SUGCT: variants seen among roughly 807,000 people sequenced by gnomAD.
SUGCT encodes the protein succinyl-CoA:glutarate-CoA transferase.
SUGCT carries 41 observed loss-of-function variants against 55.0 expected under a neutral mutation model. The ratio of observed to expected loss-of-function variants is 0.74; its 90% CI spans 0.58 to 0.97. The LOEUF (loss-of-function observed/expected upper bound fraction) is 0.97, where lower values mean the gene tolerates loss of function less well. Ranked by LOEUF, SUGCT falls within the 50% of genes least tolerant of loss-of-function variation. The pLI is 0.00. For synonymous variants in SUGCT, 187 were observed against 200.4 expected, an observed-to-expected ratio of 0.93 and a Z score of 0.56; for missense variants, 568 against 547.8, an observed-to-expected ratio of 1.04 and a Z score of -0.37.
At chr7:40,938,355 T>A in the SUGCT span, among the ~76,000 whole-genome samples, 1 of 152,148 alleles carries the variant, frequency 6.6e-6, no homozygotes, top group African/African-American at 2.4e-5. Context: ...TTCTAGTATA[T>A]CATTTTAATT....
chr7:40,925,194 A>T, the SUGCT span, among the ~76,000 whole-genome samples: 1 of 152,150 alleles, frequency 6.6e-6, no homozygotes, highest in African/African-American at 2.4e-5. Context: ...GCAAATCCTG[A>T]CTTTCTATTT....
intron 1 of SUGCT, among the ~76,000 whole-genome samples, chr7:40,161,590 T>C (rs1784149470): frequency 6.6e-6 from 1 of 152,254 alleles, no homozygotes; most frequent in African/African-American, 2.4e-5. Context: ...GTCTTCCTTT[T>C]GGTCAGTCTT....
the SUGCT span, among the ~76,000 whole-genome samples, chr7:40,919,969 T>G: frequency 6.6e-6 from 1 of 152,282 alleles, no homozygotes; most frequent in East Asian, 1.9e-4. Context: ...ATCCAGTGTG[T>G]GGCTCATGCT....
At chr7:40,792,736 T>A (rs537689649) in intron 13 of SUGCT, among the ~76,000 whole-genome samples, 4 of 152,272 alleles carry the variant, frequency 2.6e-5, no homozygotes, top group Admixed American at 2.6e-4. Context: ...TTGGTACCCA[T>A]ATTAGTTTTA....
In SUGCT at chr7:40,404,283, C is replaced by A. The variant is rs143464945; in HGVS notation, c.817-45004C>A. On this transcript the variant is annotated intron_variant, in intron 9 of 13. Transcript: ENST00000335693. ...GAAGTTTCTTACAGTTGCTATTGCA[C>A]AATTCTAAGCAAAAGATGGAAGATG... is the stretch of plus-strand genomic sequence containing the variant. Among the ~76,000 whole-genome samples the A allele has an allele frequency of 6.8e-4, 104 of 152,270 alleles. 2 individuals are homozygous for A. Among genetic ancestry groups the A allele is most frequent in the African/African-American group, 2.4e-3 (99 of 41,552 alleles).
intron 9 of SUGCT, among the ~76,000 whole-genome samples, chr7:40,384,175 G>A (rs529903926): frequency 6.6e-6 from 1 of 152,244 alleles, no homozygotes; most frequent in Non-Finnish European, 1.5e-5. Flanking sequence ...TTATAAAAAG[G>A]AGAACAAACT....
rs554922519 is a variant in SUGCT, at chr7:40,831,032, A to G, written c.1154-29284A>G. Among the ~76,000 whole-genome samples the G allele has an allele frequency of 2.0e-5, 3 of 152,322 alleles. No homozygotes were observed. The East Asian group carries it at 5.8e-4, about 29-fold the overall frequency. On this transcript the variant is annotated intron_variant, in intron 13 of 13. Coordinates refer to ENST00000335693, the MANE Select transcript of SUGCT (RefSeq NM_001193313.2). The stretch of plus-strand genomic sequence containing the variant: ...AGAAGTAATGTCGTCTCAATTTTGG[A>G]GATGAGAAAGCTGAACCTTCTAAGA...
chr7:40,159,669 G>A (rs1012175259), intron 1 of SUGCT, among the ~76,000 whole-genome samples: 5 of 151,856 alleles, frequency 3.3e-5, no homozygotes, highest in South Asian at 2.1e-4. Flanking sequence ...GTGCCTGGCC[G>A]GATTCTAGTT....
chr7:40,383,230 C>T (rs187754173), intron 9 of SUGCT, among the ~76,000 whole-genome samples: 1 of 152,294 alleles, frequency 6.6e-6, no homozygotes, highest in Admixed American at 6.5e-5. Flanking sequence ...TTATGCTACA[C>T]ACTACATCTA....
At chr7:41,025,856 T>C in the SUGCT span, among the ~76,000 whole-genome samples, 1 of 152,178 alleles carries the variant, frequency 6.6e-6, no homozygotes, top group Non-Finnish European at 1.5e-5. Context: ...TATGCACCCA[T>C]AGCTTTCTGG....
chr7:40,677,653 T>C (rs1241986704), intron 12 of SUGCT, among the ~76,000 whole-genome samples: 1 of 152,196 alleles, frequency 6.6e-6, no homozygotes, highest in African/African-American at 2.4e-5. Flanking sequence ...CCATGCCCAC[T>C]TCTGGCTACA....
chr7:40,654,970 G>A (rs1418634048), intron 12 of SUGCT, among the ~76,000 whole-genome samples: 1 of 152,086 alleles, frequency 6.6e-6, no homozygotes, highest in Non-Finnish European at 1.5e-5. Context: ...TTAGGCGAAA[G>A]GCAATTAAAA....
At chr7:40,919,995 A>G in the SUGCT span, among the ~76,000 whole-genome samples, 1 of 151,196 alleles carries the variant, frequency 6.6e-6, no homozygotes, top group Non-Finnish European at 1.5e-5. Context: ...CTTCCTCCAT[A>G]GTTTTTATCA....
intron 11 of SUGCT, among the ~76,000 whole-genome samples, chr7:40,489,830 G>T (rs552754292): frequency 1.3e-5 from 2 of 152,148 alleles, no homozygotes; most frequent in Non-Finnish European, 2.9e-5. Flanking sequence ...TATTTTGTCC[G>T]TTTGGTGATG....
intron 9 of SUGCT, among the ~76,000 whole-genome samples, chr7:40,321,854 C>T (rs1227704627): frequency 6.6e-6 from 1 of 152,126 alleles, no homozygotes; most frequent in African/African-American, 2.4e-5. Context: ...TAGGTTTATT[C>T]CATGATTTTG....
chr7:40,287,156 A>C (rs927884746), intron 8 of SUGCT, among the ~76,000 whole-genome samples: 3 of 152,136 alleles, frequency 2.0e-5, no homozygotes, highest in Admixed American at 6.6e-5. Flanking sequence ...TATTGTGATC[A>C]GCATTGAGCG....
intron 9 of SUGCT, among the ~76,000 whole-genome samples, chr7:40,439,513 A>T (rs1451528883): frequency 6.6e-6 from 1 of 152,116 alleles, no homozygotes; most frequent in Non-Finnish European, 1.5e-5. Flanking sequence ...ACTTTAGTCT[A>T]TGTCTGGATA....
chr7:40,297,705 T>C (rs1270100516), intron 8 of SUGCT, among the ~76,000 whole-genome samples: 1 of 152,162 alleles, frequency 6.6e-6, no homozygotes, highest in Non-Finnish European at 1.5e-5. Context: ...CAGATAAAAC[T>C]GTTATTCTCT....
chr7:40,252,298 T>C (rs1431839618), intron 7 of SUGCT, among the ~76,000 whole-genome samples: 1 of 152,030 alleles, frequency 6.6e-6, no homozygotes, highest in East Asian at 1.9e-4. Context: ...GGCTAATTTT[T>C]TGTTAGCTAG....
Sources: allele counts gnomAD v4.1 joint callset (sites outside exome capture counted in the v4.1 genomes callset), GRCh38; gene constraint gnomAD v4.1.1; transcripts MANE v1.5; gene names NCBI Gene and HGNC (gene_info 2026-07-23, HGNC 2026-07-21).